The following SPMIP2 variants were observed in gnomAD, a reference collection of about 807,000 sequenced individuals.
SPMIP2 encodes sperm microtubule inner protein 2, also known as protein SPMIP2.
the SPMIP2 span, among the ~76,000 whole-genome samples, chr4:158,903,114 T>C: frequency 2.0e-5 from 3 of 152,184 alleles, no homozygotes; most frequent in Non-Finnish European, 4.4e-5. Flanking sequence ...GCCCTGATTG[T>C]GTACACACCA....
the SPMIP2 span, among the ~76,000 whole-genome samples, chr4:158,925,461 C>A: frequency 6.6e-6 from 1 of 152,102 alleles, no homozygotes; most frequent in Non-Finnish European, 1.5e-5. Context: ...AGTCCCCAAC[C>A]TTTTTGGCAC....
At chr4:158,953,022 G>T in the SPMIP2 span, among the ~76,000 whole-genome samples, 2 of 152,192 alleles carry the variant, frequency 1.3e-5, no homozygotes, top group Non-Finnish European at 2.9e-5. Context: ...CAGAAAATTT[G>T]CAGCCTGACA....
the SPMIP2 span, chr4:158,973,375 T>C: frequency 1.9e-6 from 2 of 1,077,712 alleles, no homozygotes; most frequent in Non-Finnish European, 2.7e-6. Flanking sequence ...TTTGTTATTT[T>C]AACCGTTGAA....
At chr4:159,047,769 C>A in the SPMIP2 span, among the ~76,000 whole-genome samples, 2 of 152,288 alleles carry the variant, frequency 1.3e-5, no homozygotes, top group African/African-American at 4.8e-5. Context: ...CTATGGAGAG[C>A]CCTGCCTCTG....
At chr4:158,895,771 A>AGC in the SPMIP2 span, 1 of 1,611,882 alleles carries the variant, frequency 6.2e-7, no homozygotes, top group Non-Finnish European at 8.5e-7. Context: ...TCTTGAAGAT[A>AGC]GACTACAGGA....
chr4:158,985,011 A>T, the SPMIP2 span, among the ~76,000 whole-genome samples: 1 of 151,890 alleles, frequency 6.6e-6, no homozygotes, highest in East Asian at 1.9e-4. Flanking sequence ...ACACCTCTAC[A>T]CAAATAAACT....
chr4:159,032,805 A>T, the SPMIP2 span, among the ~76,000 whole-genome samples: 1 of 151,690 alleles, frequency 6.6e-6, no homozygotes, highest in Non-Finnish European at 1.5e-5. Flanking sequence ...TTGGTAAAAA[A>T]GTCAAAAACA....
chr4:158,999,206 C>A, the SPMIP2 span, among the ~76,000 whole-genome samples: 1 of 151,472 alleles, frequency 6.6e-6, no homozygotes, highest in Non-Finnish European at 1.5e-5. Context: ...CCAAAAAAAC[C>A]CATTGACTTA....
At chr4:158,959,908 CATGAA>C in the SPMIP2 span, among the ~76,000 whole-genome samples, 2 of 152,068 alleles carry the variant, frequency 1.3e-5, no homozygotes, top group Non-Finnish European at 2.9e-5. Context: ...AGGCCAACAG[CATGAA>C]ATGAGTTTTT....
chr4:159,064,888 G>A, the SPMIP2 span, among the ~76,000 whole-genome samples: 2 of 152,142 alleles, frequency 1.3e-5, no homozygotes, highest in African/African-American at 2.4e-5. Flanking sequence ...TGTGTATTGA[G>A]GGAATAAAAG....
chr4:158,968,325 G>C, the SPMIP2 span, among the ~76,000 whole-genome samples: 1 of 152,192 alleles, frequency 6.6e-6, no homozygotes, highest in East Asian at 1.9e-4. Flanking sequence ...CACCATGTCC[G>C]GCCTCAACTA....
the SPMIP2 span, among the ~76,000 whole-genome samples, chr4:159,067,730 G>A: frequency 7.2e-5 from 11 of 152,244 alleles, no homozygotes; most frequent in South Asian, 2.1e-4. Flanking sequence ...GCAACCTACA[G>A]AATGGGAGAA....
chr4:158,928,062 G>C, the SPMIP2 span, among the ~76,000 whole-genome samples: 5 of 152,184 alleles, frequency 3.3e-5, no homozygotes, highest in African/African-American at 4.8e-5. Context: ...CAGTCCCATC[G>C]ACCACCCAAG....
the SPMIP2 span, among the ~76,000 whole-genome samples, chr4:159,075,489 G>C: frequency 6.6e-6 from 1 of 152,120 alleles, no homozygotes; most frequent in Non-Finnish European, 1.5e-5. Context: ...CTATAATGAT[G>C]AGAGATTTCT....
At chr4:158,937,584 T>C in the SPMIP2 span, 6 of 154,212 alleles carry the variant, frequency 3.9e-5, no homozygotes, top group Non-Finnish European at 8.8e-5. Context: ...CATCCAACTG[T>C]TTAATCAAGA....
At chr4:159,008,439 C>T in the SPMIP2 span, among the ~76,000 whole-genome samples, 3 of 152,136 alleles carry the variant, frequency 2.0e-5, no homozygotes, top group Admixed American at 2.0e-4. Flanking sequence ...TGTGGTGGCA[C>T]ACGCCTATAA....
At chr4:158,897,071 G>C in the SPMIP2 span, among the ~76,000 whole-genome samples, 1 of 150,708 alleles carries the variant, frequency 6.6e-6, no homozygotes, top group Non-Finnish European at 1.5e-5. Context: ...CAACTCCCAC[G>C]TATGAGGGAG....
chr4:159,001,095 T>A, the SPMIP2 span, among the ~76,000 whole-genome samples: 7 of 152,248 alleles, frequency 4.6e-5, no homozygotes, highest in African/African-American at 1.7e-4. Flanking sequence ...CAACAGTAGT[T>A]GTGTCATTTT....
chr4:158,986,690 C>G, the SPMIP2 span, among the ~76,000 whole-genome samples: 1 of 152,118 alleles, frequency 6.6e-6, no homozygotes, highest in African/African-American at 2.4e-5. Flanking sequence ...AGAAGAAAAC[C>G]TAGGCATTAC....
Sources: gnomAD v4.1 joint callset for allele counts (sites outside exome capture counted in the v4.1 genomes callset) on GRCh38, gnomAD v4.1.1 for gene constraint, MANE v1.5 for transcripts, NCBI Gene and HGNC (gene_info 2026-07-23, HGNC 2026-07-21) for gene names.